The following SHISA9 variants were observed in gnomAD, a reference collection of about 807,000 sequenced individuals.
SHISA9 encodes protein shisa-9.
SHISA9 carries 13 observed loss-of-function variants against 38.0 expected under a neutral mutation model. The ratio of observed to expected loss-of-function variants is 0.34; its 90% CI spans 0.22 to 0.54. The LOEUF (loss-of-function observed/expected upper bound fraction) is 0.54. Ranked by LOEUF, SHISA9 falls within the 20% of genes least tolerant of loss-of-function variation. The probability of loss-of-function intolerance (pLI) is 0.91; values close to 1 mark genes in which losing one functional copy is unlikely to be tolerated. For synonymous variants in SHISA9, 275 were observed against 242.0 expected, an observed-to-expected ratio of 1.14 and a Z score of -1.27; for missense variants, 538 against 575.8, an observed-to-expected ratio of 0.93 and a Z score of 0.67.
At chr16:13,309,223 A>G in the SHISA9 span, among the ~76,000 whole-genome samples, 1 of 152,162 alleles carries the variant, frequency 6.6e-6, no homozygotes, top group Non-Finnish European at 1.5e-5. Context: ...GGGCATCAGG[A>G]AGAATAACTA....
At chr16:12,974,286 T>C (rs921355864) in intron 2 of SHISA9, among the ~76,000 whole-genome samples, 1 of 152,080 alleles carries the variant, frequency 6.6e-6, no homozygotes, top group African/African-American at 2.4e-5. Context: ...ATAATTTCTC[T>C]AAAATTTTAT....
At chr16:13,430,641 T>G in the SHISA9 span, among the ~76,000 whole-genome samples, 1 of 152,122 alleles carries the variant, frequency 6.6e-6, no homozygotes, top group Admixed American at 6.5e-5. Context: ...CATGGTGGTT[T>G]ATTCCCATAA....
At chr16:12,997,214 C>G (rs904318541) in intron 2 of SHISA9, among the ~76,000 whole-genome samples, 1 of 151,926 alleles carries the variant, frequency 6.6e-6, no homozygotes, top group African/African-American at 2.4e-5. Context: ...CATCCCATAT[C>G]TGGAGTCACA....
At chr16:13,522,229 A>C in the SHISA9 span, among the ~76,000 whole-genome samples, 1 of 151,978 alleles carries the variant, frequency 6.6e-6, no homozygotes, top group African/African-American at 2.4e-5. Context: ...AAGATTTTCC[A>C]TTGTGATGCT....
At chr16:13,370,920 T>C in the SHISA9 span, among the ~76,000 whole-genome samples, 3 of 152,190 alleles carry the variant, frequency 2.0e-5, no homozygotes, top group East Asian at 5.8e-4. Flanking sequence ...TTCTTAGTGC[T>C]TTAAGTGATA....
the SHISA9 span, among the ~76,000 whole-genome samples, chr16:13,387,924 C>T: frequency 6.6e-6 from 1 of 151,776 alleles, no homozygotes; most frequent in East Asian, 1.9e-4. Context: ...TGAAAATCCC[C>T]TCCTAGAAAA....
chr16:13,554,106 T>C, the SHISA9 span, among the ~76,000 whole-genome samples: 1 of 152,110 alleles, frequency 6.6e-6, no homozygotes, highest in Admixed American at 6.5e-5. Flanking sequence ...TATTCCTTTT[T>C]CCTCTTGGTA....
rs189595734 is a variant in SHISA9 at position 13,187,249 on chromosome 16, C to G, written c.692-16145C>G. 1.8e-4 allele frequency among the ~76,000 whole-genome samples: 28 copies of G among 152,088 alleles called. No individual in the cohort carries two copies. The East Asian group carries it at 2.7e-3, about 15-fold the overall frequency. On this transcript the variant is annotated intron_variant, in intron 2 of 4. Coordinates refer to ENST00000558583, the MANE Select transcript of SHISA9 (RefSeq NM_001145204.3). ...CTCTGCATGACCCATTCTGTCTTCA[C>G]AGCCTCACTATCTGAAAACTTCTCA...
At chr16:12,942,366 C>T (rs1234630622) in intron 2 of SHISA9, among the ~76,000 whole-genome samples, 2 of 152,214 alleles carry the variant, frequency 1.3e-5, no homozygotes, top group African/African-American at 4.8e-5. Flanking sequence ...GGAACACTGA[C>T]ACTTGCAGAG....
chr16:13,539,776 A>C, the SHISA9 span, among the ~76,000 whole-genome samples: 1 of 152,040 alleles, frequency 6.6e-6, no homozygotes, highest in African/African-American at 2.4e-5. Flanking sequence ...GATGGCCCTG[A>C]TGTCTATCAT....
intron 2 of SHISA9, among the ~76,000 whole-genome samples, chr16:13,040,507 A>C (rs1393003131): frequency 6.6e-6 from 1 of 152,162 alleles, no homozygotes; most frequent in African/African-American, 2.4e-5. Flanking sequence ...TTCTCTGTTT[A>C]ATTTATTCTC....
chr16:13,539,314 AT>A, the SHISA9 span, among the ~76,000 whole-genome samples: 127 of 43,154 alleles, frequency 2.9e-3, 17 homozygotes, highest in African/African-American at 7.2e-3. Flanking sequence ...ATATATATAT[AT>A]ATAAAGACAG....
In SHISA9 at chr16:13,207,953, G is replaced by A. The variant is rs550918300; in HGVS notation, c.847+4404G>A. ...TATTTCAATCCAGAGAATAAGGAGA[G>A]GTTAGACAATCTTTAGCATTCACTG... On this transcript the variant is annotated intron_variant, in intron 3 of 4. Transcript: ENST00000558583. Among the ~76,000 whole-genome samples, 327 of 152,314 alleles carry A rather than the reference G, an allele frequency of 2.1e-3. 2 individuals carry two copies. Among genetic ancestry groups the A allele is most frequent in the African/African-American group, 7.3e-3 (304 of 41,574 alleles).
the SHISA9 span, among the ~76,000 whole-genome samples, chr16:13,379,451 C>T: frequency 1.3e-5 from 2 of 152,168 alleles, no homozygotes; most frequent in African/African-American, 2.4e-5. Flanking sequence ...CAGGTCCCCC[C>T]GCCACTTCCC....
Position 13,153,542 on chromosome 16 carries a change from A to G in SHISA9, c.692-49852A>G, listed in dbSNP as rs535989042. On this transcript the variant is annotated intron_variant, in intron 2 of 4. Transcript: ENST00000558583. Reference sequence around the variant, plus strand: ...TGGAGAACCTTGTGGTGGAACTCCAATGTGGGATTTCCACAACAGAGAGGG... The same window carrying G: ...TGGAGAACCTTGTGGTGGAACTCCAGTGTGGGATTTCCACAACAGAGAGGG... Among the ~76,000 whole-genome samples the G allele has an allele frequency of 6.6e-5, 10 of 152,304 alleles. No homozygotes were observed. The South Asian group carries it at 2.1e-3, about 32-fold the overall frequency.
chr16:13,555,011 A>T, the SHISA9 span, among the ~76,000 whole-genome samples: 1 of 152,210 alleles, frequency 6.6e-6, no homozygotes, highest in South Asian at 2.1e-4. Flanking sequence ...ATCCCTTTTG[A>T]CGTTCAAGGC....
chr16:12,918,686 A>C (rs892425654), intron 2 of SHISA9, among the ~76,000 whole-genome samples: 1 of 152,182 alleles, frequency 6.6e-6, no homozygotes, highest in African/African-American at 2.4e-5. Flanking sequence ...TGCCTAAGTA[A>C]TCAGTGATCT....
chr16:13,059,252 C>T (rs1026974570), intron 2 of SHISA9, among the ~76,000 whole-genome samples: 6 of 151,328 alleles, frequency 4.0e-5, no homozygotes, highest in African/African-American at 1.2e-4. Flanking sequence ...CTCAGCCTCC[C>T]GAGTAGCTGG....
intron 4 of SHISA9, among the ~76,000 whole-genome samples, chr16:13,217,398 T>C (rs1370782113): frequency 3.3e-5 from 5 of 152,226 alleles, no homozygotes; most frequent in Admixed American, 6.5e-5. Flanking sequence ...CTGTTTATTT[T>C]GCAAACAGAA....
Sources: gnomAD v4.1 joint callset for allele counts (sites outside exome capture counted in the v4.1 genomes callset) on GRCh38, gnomAD v4.1.1 for gene constraint, MANE v1.5 for transcripts, NCBI Gene and HGNC (gene_info 2026-07-23, HGNC 2026-07-21) for gene names.